AKT3: variants seen among roughly 807,000 people sequenced by gnomAD.
AKT3 encodes the protein RAC-gamma serine/threonine-protein kinase.
AKT3 carries 15 observed loss-of-function variants against 65.3 expected under a neutral mutation model. That is an observed-to-expected ratio of 0.23 (90% CI 0.15 to 0.35). The LOEUF (loss-of-function observed/expected upper bound fraction) is 0.35, where lower values mean the gene tolerates loss of function less well. Ranked by LOEUF, AKT3 falls within the 10% of genes least tolerant of loss-of-function variation. The probability of loss-of-function intolerance (pLI) is 1.00; values close to 1 mark genes in which losing one functional copy is unlikely to be tolerated. For missense variants in AKT3, 243 were observed against 576.5 expected (o/e 0.42, Z 5.92); for synonymous variants, 206 against 183.8 (o/e 1.12, Z -0.98).
chr1:243,711,956 T>C (rs980205710), intron 2 of AKT3, among the ~76,000 whole-genome samples: 21 of 152,328 alleles, frequency 1.4e-4, no homozygotes, highest in East Asian at 3.9e-4. Context: ...TAATAAAGCA[T>C]AGACCTGCAA....
chr1:243,663,282 G>GT (rs1682512242), intron 4 of AKT3, among the ~76,000 whole-genome samples: 3 of 152,148 alleles, frequency 2.0e-5, no homozygotes, highest in Non-Finnish European at 4.4e-5. Flanking sequence ...AGAGTCAGAG[G>GT]TTTTGTAGGA....
At chr1:243,765,859 G>A (rs1390352047) in intron 2 of AKT3, among the ~76,000 whole-genome samples, 2 of 152,094 alleles carry the variant, frequency 1.3e-5, no homozygotes, top group Non-Finnish European at 2.9e-5. Flanking sequence ...TACCCTGCTG[G>A]CAGCTGTCTT....
At chr1:243,519,874 C>T (rs1360170562) in intron 12 of AKT3, among the ~76,000 whole-genome samples, 1 of 152,162 alleles carries the variant, frequency 6.6e-6, no homozygotes, top group Admixed American at 6.5e-5. Context: ...ATGTTCAGCT[C>T]TTTAGGGATG....
chr1:243,524,173 T>C (rs1242550518), intron 12 of AKT3, among the ~76,000 whole-genome samples: 2 of 152,256 alleles, frequency 1.3e-5, no homozygotes, highest in Non-Finnish European at 2.9e-5. Flanking sequence ...TATAATCTTA[T>C]GGAACCACTG....
chr1:243,550,352 C>G (rs536588406), intron 11 of AKT3, among the ~76,000 whole-genome samples: 1 of 152,078 alleles, frequency 6.6e-6, no homozygotes, highest in African/African-American at 2.4e-5. Flanking sequence ...GGTGAACAAA[C>G]AGTTAGGAAT....
At position 243,504,885 on chromosome 1, in the gene AKT3, T is replaced by G. The variant is rs534559707; in HGVS notation, c.*364A>C. 17 of 259,064 alleles carry G rather than the reference T, an allele frequency of 6.6e-5. 1 individual carries two copies. The Admixed American group carries it at 8.4e-4, about 13-fold the overall frequency. 16.0% of individuals were successfully genotyped at this position (259,064 alleles called of 1,614,324 possible). A position where few individuals can be genotyped will look rare whatever the true frequency, so the allele number is the denominator to read the frequency against. ...TAGAATCAGTGTATCTCATTTAGCC[T>G]TCACTGAGGGAAAAACTAAAAGATC... On this transcript the variant is annotated 3_prime_UTR_variant, in exon 14 of 14. Coordinates refer to ENST00000673466, the MANE Select transcript of AKT3 (RefSeq NM_005465.7).
chr1:243,695,143 T>C (rs980835241), intron 3 of AKT3, among the ~76,000 whole-genome samples: 1 of 151,930 alleles, frequency 6.6e-6, no homozygotes, highest in Non-Finnish European at 1.5e-5. Flanking sequence ...AAAATTTAAC[T>C]ACGAACATAA....
intron 3 of AKT3, among the ~76,000 whole-genome samples, chr1:243,666,999 T>C (rs750460408): frequency 6.6e-6 from 1 of 152,204 alleles, no homozygotes; most frequent in Non-Finnish European, 1.5e-5. Flanking sequence ...AAGCTGTGAT[T>C]TGCTGCTGCT....
At chr1:243,653,591 G>A (rs1681540740) in intron 4 of AKT3, among the ~76,000 whole-genome samples, 1 of 152,184 alleles carries the variant, frequency 6.6e-6, no homozygotes, top group Admixed American at 6.6e-5. Context: ...TTTGAGTGTA[G>A]TGTTCTATAA....
At chr1:243,524,578 C>T (rs542635309) in intron 12 of AKT3, among the ~76,000 whole-genome samples, 1 of 152,332 alleles carries the variant, frequency 6.6e-6, no homozygotes, top group South Asian at 2.1e-4. Flanking sequence ...TGGTAATTCA[C>T]ACTGTTTAAA....
intron 12 of AKT3, among the ~76,000 whole-genome samples, chr1:243,520,244 A>G (rs988871210): frequency 3.9e-5 from 6 of 152,344 alleles, no homozygotes; most frequent in Admixed American, 6.5e-5. Flanking sequence ...ACACCCAAGT[A>G]GACACACTAA....
At chr1:243,633,266 C>T (rs1679740926) in intron 6 of AKT3, among the ~76,000 whole-genome samples, 1 of 152,052 alleles carries the variant, frequency 6.6e-6, no homozygotes, top group Non-Finnish European at 1.5e-5. Flanking sequence ...ATATTAAACC[C>T]TTCAGGTTTA....
At chr1:243,526,626 T>C (rs923613183) in intron 12 of AKT3, among the ~76,000 whole-genome samples, 1 of 151,732 alleles carries the variant, frequency 6.6e-6, no homozygotes, top group Non-Finnish European at 1.5e-5. Flanking sequence ...ACCACATGAC[T>C]TGCAAGGAAG....
At chr1:243,665,861 T>C (rs945130545) in intron 3 of AKT3, among the ~76,000 whole-genome samples, 4 of 152,192 alleles carry the variant, frequency 2.6e-5, no homozygotes, top group Admixed American at 6.5e-5. Context: ...TCTGCTCTTT[T>C]GGAAGAAACT....
At chr1:243,540,566 C>T (rs1312115888) in intron 12 of AKT3, among the ~76,000 whole-genome samples, 3 of 152,078 alleles carry the variant, frequency 2.0e-5, no homozygotes, top group Admixed American at 6.6e-5. Context: ...GCCCTTTACC[C>T]ACCTTCCTCT....
intron 2 of AKT3, among the ~76,000 whole-genome samples, chr1:243,727,255 T>G (rs999392954): frequency 5.9e-5 from 9 of 152,162 alleles, no homozygotes; most frequent in Admixed American, 2.0e-4. Context: ...GGTTCAACCT[T>G]CATAAATCAG....
At chr1:243,710,676 T>A (rs1438289532) in intron 2 of AKT3, among the ~76,000 whole-genome samples, 1 of 152,212 alleles carries the variant, frequency 6.6e-6, no homozygotes, top group Admixed American at 6.5e-5. Flanking sequence ...ACCACCTACA[T>A]CTGTATGGGA....
At chr1:243,499,607 C>A, downstream of AKT3, 1 of 713,768 alleles carries the variant, frequency 1.4e-6, no homozygotes, top group Non-Finnish European at 2.5e-6. Context: ...GAGGCACAAA[C>A]TTTTCATATA....
chr1:243,772,954 G>A (rs918106398), intron 2 of AKT3, among the ~76,000 whole-genome samples: 28 of 146,760 alleles, frequency 1.9e-4, no homozygotes, highest in Non-Finnish European at 3.4e-4. Flanking sequence ...ACCAAACACC[G>A]CATGTTCTCA....
Sources: allele counts gnomAD v4.1 joint callset (sites outside exome capture counted in the v4.1 genomes callset), GRCh38; gene constraint gnomAD v4.1.1; transcripts MANE v1.5; gene names NCBI Gene and HGNC (gene_info 2026-07-23, HGNC 2026-07-21).